TNFRSF10B: variants seen among roughly 807,000 people sequenced by gnomAD.
The protein encoded by TNFRSF10B is tumor necrosis factor receptor superfamily member 10B.
Under a neutral mutation model 41.4 loss-of-function variants are expected in TNFRSF10B, and 35 were observed. That is an observed-to-expected ratio of 0.85 (90% CI 0.65 to 1.12). The LOEUF (loss-of-function observed/expected upper bound fraction) is 1.12, where lower values mean the gene tolerates loss of function less well. Ranked by LOEUF, TNFRSF10B falls within the 50% of genes most tolerant of loss-of-function variation. The pLI is 0.00. For missense variants in TNFRSF10B, 584 were observed against 552.7 expected (o/e 1.06, Z -0.57); for synonymous variants, 230 against 215.5 (o/e 1.07, Z -0.59).
At chr8:23,067,578 C>T (rs1813026916) in intron 1 of TNFRSF10B, among the ~76,000 whole-genome samples, 2 of 152,146 alleles carry the variant, frequency 1.3e-5, no homozygotes, top group African/African-American at 2.4e-5. Flanking sequence ...GACCTAGGCC[C>T]ACAGAAACCA....
In TNFRSF10B at chr8:23,021,447, C is replaced by T. The variant is rs1811517763; in HGVS notation, c.*1224G>A. 1 of 454,154 alleles carries T rather than the reference C, an allele frequency of 2.2e-6. No homozygotes were observed. The highest frequency in any genetic ancestry group is 1.6e-5 in the South Asian group (1 of 64,478). 28.1% of individuals were successfully genotyped at this position (454,154 alleles called of 1,614,324 possible). ...CCATTCTCAAGCACCATCTACTCTT[C>T]CCCCTTGATGCCATGGCAGACGTGG... On this transcript the variant is annotated 3_prime_UTR_variant, in exon 9 of 9. Transcript: ENST00000276431.
At chr8:23,024,088 G>A (rs898640006) in intron 8 of TNFRSF10B, 100 bp downstream of exon 8, 50 of 1,460,432 alleles carry the variant, frequency 3.4e-5, no homozygotes, top group Non-Finnish European at 4.4e-5. Context: ...CTTCCAGCAT[G>A]GAATACTCTG....
At position 23,027,279 on chromosome 8, in the gene TNFRSF10B, G is replaced by A. The variant is rs138183043; in HGVS notation, c.790C>T (p.Arg264Ter). The A allele has an allele frequency of 3.7e-5, 59 of 1,613,956 alleles. No homozygotes were observed. The highest frequency in any genetic ancestry group is 4.7e-5 in the Non-Finnish European group (56 of 1,180,018). ...AGGACATTGTCCTCAGCCCCAGGTC[G>A]TTGTGAGCTCTGGAAAAAGACATTG... ...DPERVDRSSQRPGAEDNVLNE... is the reference protein window; with the variant it reads ...DPERVDRSSQ Residue 264 changes from arginine (R) to a stop codon, truncating the protein, a stop_gained, in exon 7 of 9, where the codon CGA becomes TGA. Transcript: ENST00000276431. LOFTEE classifies it high-confidence loss of function.
intron 7 of TNFRSF10B, among the ~76,000 whole-genome samples, chr8:23,026,272 TTTTG>T (rs1002611867): frequency 2.0e-4 from 30 of 151,796 alleles, no homozygotes; most frequent in African/African-American, 6.8e-4. Flanking sequence ...TCTAGTTTTT[TTTTG>T]TTTGTTTGTT....
chr8:23,028,261 T>C (rs1234017716), intron 5 of TNFRSF10B, 70 bp downstream of exon 5: 1 of 1,607,686 alleles, frequency 6.2e-7, no homozygotes, highest in East Asian at 2.2e-5. Context: ...GGCGTTTCTG[T>C]CTGTGGGAAT....
chr8:23,040,585 G>C (rs973395837), intron 2 of TNFRSF10B, among the ~76,000 whole-genome samples: 2 of 150,914 alleles, frequency 1.3e-5, no homozygotes, highest in East Asian at 1.9e-4. Context: ...AAGGTGATAA[G>C]GGAGGAACAA....
intron 2 of TNFRSF10B, among the ~76,000 whole-genome samples, chr8:23,042,422 A>T (rs1812228654): frequency 6.6e-6 from 1 of 152,118 alleles, no homozygotes; most frequent in African/African-American, 2.4e-5. Context: ...GAAAAGGGGG[A>T]AGAAGTGCGA....
intron 2 of TNFRSF10B, among the ~76,000 whole-genome samples, chr8:23,038,355 G>A (rs1179134388): frequency 6.6e-6 from 1 of 152,178 alleles, no homozygotes. Context: ...AGGGCACAGG[G>A]AATACAGAAT....
chr8:23,026,672 G>A (rs1444756384), intron 7 of TNFRSF10B, among the ~76,000 whole-genome samples: 4 of 152,170 alleles, frequency 2.6e-5, no homozygotes, highest in African/African-American at 7.2e-5. Flanking sequence ...GATTGTGTGC[G>A]TGTGTCCAAT....
intron 1 of TNFRSF10B, among the ~76,000 whole-genome samples, chr8:23,044,819 G>A (rs1812307674): frequency 6.6e-6 from 1 of 151,768 alleles, no homozygotes; most frequent in Non-Finnish European, 1.5e-5. Flanking sequence ...AAATACAAAA[G>A]ATTATCAAAA....
chr8:23,034,098 T>C (rs187586334), intron 2 of TNFRSF10B, among the ~76,000 whole-genome samples: 19 of 152,358 alleles, frequency 1.2e-4, no homozygotes, highest in African/African-American at 4.3e-4. Context: ...TACAAATTGA[T>C]GTTAATGGGC....
chr8:23,049,145 G>A (rs947933106), intron 1 of TNFRSF10B, among the ~76,000 whole-genome samples: 1 of 152,160 alleles, frequency 6.6e-6, no homozygotes, highest in Non-Finnish European at 1.5e-5. Context: ...GGGAAAAACA[G>A]TATCGTGGCA....
At chr8:23,061,359 G>C (rs1049864339) in intron 1 of TNFRSF10B, among the ~76,000 whole-genome samples, 4 of 152,116 alleles carry the variant, frequency 2.6e-5, no homozygotes, top group African/African-American at 9.7e-5. Context: ...ATTGCAATCT[G>C]TACTGTCTTT....
At chr8:23,037,881 C>T (rs1244140206) in intron 2 of TNFRSF10B, among the ~76,000 whole-genome samples, 1 of 152,200 alleles carries the variant, frequency 6.6e-6, no homozygotes, top group Non-Finnish European at 1.5e-5. Context: ...AATGGCCCCA[C>T]TCCACATTAC....
intron 7 of TNFRSF10B, among the ~76,000 whole-genome samples, 166 bp downstream of exon 7, chr8:23,026,967 C>T (rs1442708916): frequency 1.3e-5 from 2 of 152,170 alleles, no homozygotes; most frequent in African/African-American, 4.8e-5. Flanking sequence ...TGCAGACTGG[C>T]ACGGTCACCA....
intron 6 of TNFRSF10B, 28 bp downstream of exon 6, chr8:23,027,694 C>A: frequency 6.2e-7 from 1 of 1,613,924 alleles, no homozygotes. Flanking sequence ...AACCCCTGAG[C>A]CCCCAGCTCC....
intron 3 of TNFRSF10B, among the ~76,000 whole-genome samples, chr8:23,030,056 T>G (rs1433590914): frequency 6.6e-6 from 1 of 152,128 alleles, no homozygotes; most frequent in African/African-American, 2.4e-5. Flanking sequence ...AGAGGAGCCC[T>G]TGGGGGACTT....
intron 2 of TNFRSF10B, among the ~76,000 whole-genome samples, chr8:23,031,387 T>TTATTTATG (rs1811879725): frequency 1.3e-5 from 2 of 150,314 alleles, no homozygotes; most frequent in Non-Finnish European, 3.0e-5. Flanking sequence ...ATTTATTTAT[T>TTATTTATG]TATTTATTTA....
In TNFRSF10B at chr8:23,023,004, A is replaced by G; in HGVS notation, c.1010-20T>C. 6.2e-7 allele frequency: 1 copy of G among 1,607,078 alleles called. No individual in the cohort carries two copies. The highest frequency in any genetic ancestry group is 8.5e-7 in the Non-Finnish European group (1 of 1,179,924). ...TCAGAGCTGGTGGAGAAAGCCACAGAGACAGCCAGGTGAGTTGGGACTCAG... is the reference window on the plus strand; with the variant it reads ...TCAGAGCTGGTGGAGAAAGCCACAGGGACAGCCAGGTGAGTTGGGACTCAG... On this transcript the variant is annotated intron_variant, in intron 8 of 8. Transcript: ENST00000276431.
Sources: allele counts gnomAD v4.1 joint callset (sites outside exome capture counted in the v4.1 genomes callset), GRCh38; gene constraint gnomAD v4.1.1; transcripts MANE v1.5; gene names NCBI Gene and HGNC (gene_info 2026-07-23, HGNC 2026-07-21).